Variants in ROCK2 observed in about 807,000 individuals in gnomAD.
The protein encoded by ROCK2 is Rho associated coiled-coil containing protein kinase 2, also known as rho-associated protein kinase 2.
A neutral mutation model predicts 195.1 loss-of-function variants in ROCK2; 61 were observed. The ratio of observed to expected loss-of-function variants is 0.31; its 90% CI spans 0.25 to 0.39. The LOEUF is 0.39. Among genes scored for constraint, ROCK2 ranks in the 10% least tolerant of loss-of-function variants. ROCK2 has a pLI of 1.00. For synonymous variants in ROCK2, 504 were observed against 545.5 expected (o/e 0.92, Z 1.06); for missense variants, 1,109 against 1,637.4 (o/e 0.68, Z 5.57).
intron 1 of ROCK2, among the ~76,000 whole-genome samples, chr2:11,331,128 G>C (rs1668754826): frequency 6.6e-6 from 1 of 152,044 alleles, no homozygotes; most frequent in Non-Finnish European, 1.5e-5. Flanking sequence ...ACCACATGTA[G>C]TTATCTTTAA....
At chr2:11,257,623 G>C (rs936277259) in intron 3 of ROCK2, among the ~76,000 whole-genome samples, 1 of 151,266 alleles carries the variant, frequency 6.6e-6, no homozygotes, top group African/African-American at 2.5e-5. Context: ...AGGAATACCA[G>C]AATCACCTCC....
At chr2:11,271,232 T>C (rs1483535258) in intron 3 of ROCK2, among the ~76,000 whole-genome samples, 4 of 152,170 alleles carry the variant, frequency 2.6e-5, no homozygotes, top group Non-Finnish European at 5.9e-5. Flanking sequence ...TTCCCTTTAA[T>C]CTTCTTGGAA....
intron 3 of ROCK2, among the ~76,000 whole-genome samples, chr2:11,279,527 A>T (rs1217129428): frequency 6.6e-6 from 1 of 152,230 alleles, no homozygotes; most frequent in East Asian, 1.9e-4. Context: ...GTCAAATTAC[A>T]TGAGGCAAAA....
intron 23 of ROCK2, among the ~76,000 whole-genome samples, chr2:11,199,073 A>G (rs10929725): frequency 0.45 from 68,303 of 151,188 alleles, 16,990 homozygotes; most frequent in Non-Finnish European, 0.55. Context: ...GCTAATTTTT[A>G]TAGTTTTAGT....
intron 3 of ROCK2, among the ~76,000 whole-genome samples, chr2:11,251,729 C>G (rs952200389): frequency 2.6e-5 from 4 of 152,108 alleles, no homozygotes; most frequent in Non-Finnish European, 4.4e-5. Flanking sequence ...AACAGGCAAC[C>G]TACAGAATGG....
At chr2:11,343,030 A>T (rs1450289867) in intron 1 of ROCK2, among the ~76,000 whole-genome samples, 2 of 152,220 alleles carry the variant, frequency 1.3e-5, no homozygotes, top group Non-Finnish European at 2.9e-5. Context: ...TCTGCATTCC[A>T]GCACAGAATG....
At chr2:11,291,702 G>A (rs1667368406) in intron 1 of ROCK2, among the ~76,000 whole-genome samples, 2 of 152,202 alleles carry the variant, frequency 1.3e-5, no homozygotes, top group Non-Finnish European at 2.9e-5. Flanking sequence ...ATTGCTAAAT[G>A]AGGCACAAAT....
intron 1 of ROCK2, among the ~76,000 whole-genome samples, chr2:11,342,213 CAG>C (rs1338465693): frequency 1.3e-5 from 2 of 152,162 alleles, no homozygotes; most frequent in African/African-American, 4.8e-5. Context: ...ACAGCAATAA[CAG>C]AGTCTGTCAA....
intron 1 of ROCK2, among the ~76,000 whole-genome samples, chr2:11,338,170 C>G (rs1668990092): frequency 6.6e-6 from 1 of 152,072 alleles, no homozygotes; most frequent in East Asian, 1.9e-4. Flanking sequence ...ACAGCAAGAC[C>G]CCATTTCTGC....
chr2:11,312,769 T>C (rs780825302), intron 1 of ROCK2, among the ~76,000 whole-genome samples: 1 of 152,064 alleles, frequency 6.6e-6, no homozygotes, highest in African/African-American at 2.4e-5. Context: ...AACTGTGGTA[T>C]ATGGAATATT....
At chr2:11,328,928 GA>G (rs550228716) in intron 1 of ROCK2, among the ~76,000 whole-genome samples, 1,834 of 134,132 alleles carry the variant, frequency 0.014, 15 homozygotes, top group Middle Eastern at 0.041. Flanking sequence ...GGGGTGAGGG[GA>G]GGGGGGAGGG....
chr2:11,197,381 G>A lies in ROCK2; in HGVS notation c.3280-33C>T, dbSNP rs1368888290. 6.3e-7 allele frequency: 1 copy of A among 1,593,376 alleles called. No homozygotes were observed. Among genetic ancestry groups the A allele is most frequent in the Non-Finnish European group, 8.6e-7 (1 of 1,164,230 alleles). ...AAATTTAATTACAATAAGTTAATTG[G>A]ATGCAACATAACTCAACATTTTGCT... On this transcript the variant is annotated intron_variant, in intron 26 of 32. Transcript: ENST00000315872. The surrounding 1 kb of genome is among the most constrained non-coding windows in gnomAD (Gnocchi z 4.9).
intron 3 of ROCK2, among the ~76,000 whole-genome samples, chr2:11,252,702 C>G (rs767681487): frequency 7.9e-5 from 12 of 152,048 alleles, no homozygotes; most frequent in Admixed American, 6.6e-5. Flanking sequence ...AACACAGGAA[C>G]AGAAAACCAA....
chr2:11,225,464 C>G (rs1279522452), intron 6 of ROCK2, among the ~76,000 whole-genome samples: 2 of 151,290 alleles, frequency 1.3e-5, no homozygotes, highest in African/African-American at 4.8e-5. Context: ...ACTTTTTAAA[C>G]TTTCTTATGT....
chr2:11,207,613 T>C (rs1461249417), intron 20 of ROCK2, 113 bp downstream of exon 20: 34 of 754,750 alleles, frequency 4.5e-5, no homozygotes, highest in African/African-American at 7.1e-5. Flanking sequence ...CAGAAATAAA[T>C]AGAAAACATG....
rs1463494030 is a variant in ROCK2 at position 11,224,384 on chromosome 2, G to A, written c.945C>T (p.Phe315=). 1 of 1,613,010 alleles carries A rather than the reference G, an allele frequency of 6.2e-7. No homozygotes were observed. The highest frequency in any genetic ancestry group is 2.2e-5 in the East Asian group (1 of 44,816). The change falls in exon 7 of 33, where the codon TTC becomes TTT. Residue 315 remains phenylalanine (F), a synonymous_variant. Transcript: ENST00000315872. ...KIMDHKNSLC[F]PEDAEISKHA... ...GTTTGGAAATTTCTGCATCTTCAGG[G>A]AAACACAGTGAATTCTTATGATCCA...
At chr2:11,211,545 C>T in intron 18 of ROCK2, 136 bp downstream of exon 18, 1 of 730,548 alleles carries the variant, frequency 1.4e-6, no homozygotes, top group Non-Finnish European at 2.1e-6. Flanking sequence ...GTAAAGCTTC[C>T]CTAATAGTTT....
At chr2:11,244,046 C>A (rs967153666) in intron 4 of ROCK2, among the ~76,000 whole-genome samples, 1 of 152,148 alleles carries the variant, frequency 6.6e-6, no homozygotes, top group Non-Finnish European at 1.5e-5. Context: ...TATTTTTACA[C>A]ACCAGCATTA....
At chr2:11,215,455 CAT>C in intron 14 of ROCK2, 43 bp from the exon 15 acceptor site, 1 of 1,604,544 alleles carries the variant, frequency 6.2e-7, no homozygotes, top group Non-Finnish European at 8.5e-7. Context: ...GCATAACACA[CAT>C]ACACACACTT....
Sources: gnomAD v4.1 joint callset for allele counts (sites outside exome capture counted in the v4.1 genomes callset) on GRCh38, gnomAD v4.1.1 for gene constraint, Gnocchi (gnomAD v3.1) non-coding constraint, MANE v1.5 for transcripts, NCBI Gene and HGNC (gene_info 2026-07-23, HGNC 2026-07-21) for gene names.